MUC17: variants seen among roughly 807,000 people sequenced by gnomAD.
MUC17 encodes mucin-17.
In MUC17, 190 loss-of-function variants were observed where a neutral mutation model predicts 170.3. That is an observed-to-expected ratio of 1.12 (90% CI 0.99 to 1.26). The LOEUF is 1.26. MUC17 is among the 50% of genes most tolerant of loss of function. MUC17 has a pLI of 0.00. For synonymous variants in MUC17, 2,325 were observed against 2,002.5 expected (o/e 1.16, Z -4.30); for missense variants, 6,415 against 5,530.0 (o/e 1.16, Z -5.08).
At chr7:101,027,867 G>C (rs1794208453) in intron 1 of MUC17, among the ~76,000 whole-genome samples, 1 of 151,824 alleles carries the variant, frequency 6.6e-6, no homozygotes, top group Non-Finnish European at 1.5e-5. Context: ...CGCCTTTAGG[G>C]CTCAAGCAGT....
In MUC17 at chr7:101,037,030, A is replaced by G. The variant is rs1794508040; in HGVS notation, c.5614A>G (p.Ile1872Val). 1.3e-6 allele frequency: 2 copies of G among 1,583,502 alleles called. No individual in the cohort carries two copies. Among genetic ancestry groups the G allele is most frequent in the Middle Eastern group, 1.7e-4 (1 of 5,972 alleles). Residue 1872 changes from isoleucine to valine, a missense_variant, in exon 3 of 13, where the codon ATA (isoleucine) becomes GTA (valine). Ile to Val is a conservative substitution (Grantham distance 29). Coordinates refer to ENST00000306151, the MANE Select transcript of MUC17 (RefSeq NM_001040105.2). Reference protein sequence around the residue: ...PSEGSTALTSIPVSTTTVASS... With the variant: ...PSEGSTALTSVPVSTTTVASS... ...TGAAGGAAGCACTGCATTAACAAGT[A>G]TACCTGTCAGCACCACAACAGTGGC...
chr7:101,044,865 C>T (rs1395311850), intron 3 of MUC17, among the ~76,000 whole-genome samples: 1 of 152,172 alleles, frequency 6.6e-6, no homozygotes. Context: ...CCACCATTCA[C>T]TTTTATTTTG....
In MUC17 at chr7:101,038,610, AC is replaced by A. The variant is rs757712466; in HGVS notation, c.7195del (p.Leu2399Ter). 2 of 1,613,774 alleles carry A rather than the reference AC, an allele frequency of 1.2e-6. No individual in the cohort carries two copies. Among genetic ancestry groups the A allele is most frequent in the African/African-American group, 1.3e-5 (1 of 74,828 alleles). On this transcript the variant is annotated frameshift_variant, in exon 3 of 13. Transcript: ENST00000306151. LOFTEE classifies it high-confidence loss of function. Reference sequence around the variant, plus strand: ...CAACTTATAGTGAAGGAAGCACTCCACTAACAAGTGTGCCTGTCAGCACCAT... The same window carrying A: ...CAACTTATAGTGAAGGAAGCACTCCATAACAAGTGTGCCTGTCAGCACCAT... Reference protein sequence around the residue: ...TSTYSEGSTPLTSVPVSTMPV... With the variant: ...TSTYSEGSTPXTSVPVSTMPV...
At chr7:101,052,906 C>A in intron 9 of MUC17, 80 bp from the exon 10 acceptor site, 2 of 1,505,534 alleles carry the variant, frequency 1.3e-6, no homozygotes, top group Non-Finnish European at 1.8e-6. Flanking sequence ...TCATTAAACA[C>A]CCACTGGGCA....
At position 101,042,416 on chromosome 7, in the gene MUC17, T is replaced by G. The variant is rs147925756; in HGVS notation, c.11000T>G (p.Ile3667Ser). 1 of 1,612,804 alleles carries G rather than the reference T, an allele frequency of 6.2e-7. No homozygotes were observed. The highest frequency in any genetic ancestry group is 1.3e-5 in the African/African-American group (1 of 74,500). ...TLPVDTSTPV[I>S]TSTQVSSSPV... ...CCTGTTGACACCAGCACACCTGTGA[T>G]CACTTCTACCCAAGTCAGTTCATCT... Residue 3667 changes from isoleucine to serine, a missense_variant, in exon 3 of 13, where the codon ATC (isoleucine) becomes AGC (serine). Physicochemically the swap from Ile to Ser is moderately radical, Grantham distance 142. Coordinates refer to ENST00000306151, the MANE Select transcript of MUC17 (RefSeq NM_001040105.2).
At chr7:101,028,249 C>T (rs1794216168) in intron 1 of MUC17, among the ~76,000 whole-genome samples, 1 of 151,722 alleles carries the variant, frequency 6.6e-6, no homozygotes, top group Non-Finnish European at 1.5e-5. Context: ...TGCCATCACA[C>T]CCAGCTAATT....
chr7:101,049,464 C>T, intron 6 of MUC17, 82 bp downstream of exon 6: 4 of 1,517,034 alleles, frequency 2.6e-6, no homozygotes, highest in Non-Finnish European at 2.7e-6. Flanking sequence ...AACTGTGCCC[C>T]CTGCATTACT....
chr7:101,039,103 AG>A lies in MUC17; in HGVS notation c.7688del (p.Ser2563ThrfsTer14), dbSNP rs1202515101. 3 of 1,613,486 alleles carry A rather than the reference AG, an allele frequency of 1.9e-6. No individual in the cohort carries two copies. The highest frequency in any genetic ancestry group is 2.5e-6 in the Non-Finnish European group (3 of 1,179,920). On this transcript the variant is annotated frameshift_variant, in exon 3 of 13. Transcript: ENST00000306151. LOFTEE classifies it high-confidence loss of function. Reference sequence around the variant, plus strand: ...ATCTGCTACATCCGCTGAAGGTACCAGCATGCCTACCTCAACTTATAGTGAA... The same window carrying A: ...ATCTGCTACATCCGCTGAAGGTACCACATGCCTACCTCAACTTATAGTGAA... ...SSSATSAEGT[S>X]MPTSTYSEGS...
intron 1 of MUC17, among the ~76,000 whole-genome samples, chr7:101,026,402 C>A (rs1794179382): frequency 1.3e-5 from 2 of 152,176 alleles, no homozygotes; most frequent in South Asian, 4.1e-4. Flanking sequence ...GTCACTCCAT[C>A]CCTGGCACAC....
In MUC17 at chr7:101,048,094, G is replaced by T. The variant is rs780910961; in HGVS notation, c.12514G>T (p.Val4172Leu). 1.9e-6 allele frequency: 3 copies of T among 1,602,446 alleles called. No individual in the cohort carries two copies. The highest frequency in any genetic ancestry group is 2.3e-5 in the East Asian group (1 of 43,756). Residue 4172 changes from valine (V) to leucine (L), a missense_variant, in exon 4 of 13, where the codon GTG (valine) becomes TTG (leucine). Physicochemically the swap from Val to Leu is conservative, Grantham distance 32. Coordinates refer to ENST00000306151, the MANE Select transcript of MUC17 (RefSeq NM_001040105.2). ...CTATTATGGGGAGTTGTGTGAGGAG[G>T]TGGTCAGCAGCATTGACATAGGTGA... is the stretch of plus-strand genomic sequence containing the variant. ...NLYYGELCEE[V>L]VSSIDIGPPE...
At position 101,040,157 on chromosome 7, in the gene MUC17, A is replaced by G; in HGVS notation, c.8741A>G (p.Glu2914Gly). 6 of 1,613,028 alleles carry G rather than the reference A, an allele frequency of 3.7e-6. No homozygotes were observed. The highest frequency in any genetic ancestry group is 5.1e-6 in the Non-Finnish European group (6 of 1,179,502). ...TEGSSSPTTA[E>G]GTSMPISTPS... is the part of the protein sequence containing the mutation. ...GGCAGTTCTTCTCCTACAACTGCTG[A>G]AGGTACCAGCATGCCAATCTCAACT... Residue 2914 changes from glutamate to glycine, a missense_variant, in exon 3 of 13, where the codon GAA becomes GGA. Physicochemically the swap from Glu to Gly is moderately conservative, Grantham distance 98. Coordinates refer to ENST00000306151, the MANE Select transcript of MUC17 (RefSeq NM_001040105.2).
Position 101,042,223 on chromosome 7 carries a change from A to G in MUC17, c.10807A>G (p.Arg3603Gly). The G allele has an allele frequency of 6.2e-7, 1 of 1,614,230 alleles. No individual in the cohort carries two copies. The highest frequency in any genetic ancestry group is 8.5e-7 in the Non-Finnish European group (1 of 1,180,028). ...CACACCTTCCACTCCTTCTGTTGAC[A>G]GAAGCACACCTGTGACCACTTCTAC... The part of the protein sequence containing the change: ...ASTPSTPSVD[R>G]STPVTTSTQS... Residue 3603 changes from arginine to glycine, a missense_variant, in exon 3 of 13, where the codon AGA (arginine) becomes GGA (glycine). Coordinates refer to ENST00000306151, the MANE Select transcript of MUC17 (RefSeq NM_001040105.2).
chr7:101,048,026 A>G lies in MUC17; in HGVS notation c.12446A>G (p.Asn4149Ser). Residue 4149 changes from asparagine to serine, a missense_variant, in exon 4 of 13, where the codon AAT becomes AGT. Asn to Ser is a conservative substitution (Grantham distance 46). Coordinates refer to ENST00000306151, the MANE Select transcript of MUC17 (RefSeq NM_001040105.2). The part of the protein sequence containing the change: ...GCQNTASRCK[N>S]GGTWDGLKCQ... ...CAGAATACGGCCTCTCGCTGCAAGA[A>G]TGGAGGCACCTGGGATGGGCTCAAG... The G allele has an allele frequency of 6.2e-7, 1 of 1,607,548 alleles. No homozygotes were observed. Among genetic ancestry groups the G allele is most frequent in the Non-Finnish European group, 8.5e-7 (1 of 1,177,354 alleles).
At position 101,039,820 on chromosome 7, in the gene MUC17, A is replaced by C; in HGVS notation, c.8404A>C (p.Thr2802Pro). ...PTTAEVTSMP[T>P]STPSETSTPL... is the part of the protein sequence containing the mutation. Reference sequence around the variant, plus strand: ...AACTGCTGAAGTTACCAGCATGCCAACCTCAACTCCTAGTGAAACAAGTAC... The same window carrying C: ...AACTGCTGAAGTTACCAGCATGCCACCCTCAACTCCTAGTGAAACAAGTAC... Residue 2802 changes from threonine to proline, a missense_variant, in exon 3 of 13, where the codon ACC becomes CCC. By Grantham distance (38) the Thr-to-Pro change is conservative. Transcript: ENST00000306151. The C allele has an allele frequency of 6.2e-7, 1 of 1,609,206 alleles. No homozygotes were observed. The highest frequency in any genetic ancestry group is 1.1e-5 in the South Asian group (1 of 90,938).
rs1487424959 is a variant in MUC17 at position 101,033,746 on chromosome 7, A to G, written c.2330A>G (p.His777Arg). ...LSTTPLDTST[H>R]ITTSTEASCS... is the part of the protein sequence containing the mutation. ...ACAACTCCTCTTGACACAAGCACACATATCACCACTTCTACTGAAGCCAGT... is the reference window on the plus strand; with the variant it reads ...ACAACTCCTCTTGACACAAGCACACGTATCACCACTTCTACTGAAGCCAGT... Residue 777 changes from histidine (H) to arginine (R), a missense_variant, in exon 3 of 13, where the codon CAT (histidine) becomes CGT (arginine). Coordinates refer to ENST00000306151, the MANE Select transcript of MUC17 (RefSeq NM_001040105.2). 1 of 1,610,536 alleles carries G rather than the reference A, an allele frequency of 6.2e-7. No homozygotes were observed. Among genetic ancestry groups the G allele is most frequent in the Non-Finnish European group, 8.5e-7 (1 of 1,178,862 alleles).
At position 101,053,429 on chromosome 7, in the gene MUC17, CTGCCA is replaced by C. The variant is rs769312941; in HGVS notation, c.13357_13361del (p.Cys4453ArgfsTer2). ...CCTTCCAAAACATTGGCTTTGACAT[CTGCCA>C]AGGTATTGGCCTTCCTCTCTGAACT... On this transcript the variant is annotated frameshift_variant and splice_region_variant, in exon 11 of 13. Coordinates refer to ENST00000306151, the MANE Select transcript of MUC17 (RefSeq NM_001040105.2). LOFTEE classifies it high-confidence loss of function. 1 of 1,613,190 alleles carries C rather than the reference CTGCCA, an allele frequency of 6.2e-7. No individual in the cohort carries two copies. Among genetic ancestry groups the C allele is most frequent in the Non-Finnish European group, 8.5e-7 (1 of 1,179,620 alleles).
chr7:101,033,059 C>G lies in MUC17; in HGVS notation c.1643C>G (p.Ala548Gly), dbSNP rs773494910. The change falls in exon 3 of 13, where the codon GCC (alanine) becomes GGC (glycine). Residue 548 changes from alanine to glycine, a missense_variant. Physicochemically the swap from Ala to Gly is moderately conservative, Grantham distance 60 (BLOSUM62 0). Coordinates refer to ENST00000306151, the MANE Select transcript of MUC17 (RefSeq NM_001040105.2). ...ACACCTGTGACCACTTCTAGTGAAG[C>G]CAGTTCATCTTCTACAACTCCTGAA... ...TSTPVTTSSEASSSSTTPEGT... is the reference protein window; with the variant it reads ...TSTPVTTSSEGSSSSTTPEGT... The G allele has an allele frequency of 3.7e-6, 6 of 1,613,500 alleles. No individual in the cohort carries two copies. The highest frequency in any genetic ancestry group is 1.3e-5 in the African/African-American group (1 of 74,706).
At chr7:101,021,854 C>T (rs892416157) in intron 1 of MUC17, among the ~76,000 whole-genome samples, 5 of 152,182 alleles carry the variant, frequency 3.3e-5, no homozygotes, top group African/African-American at 1.2e-4. Flanking sequence ...CAGGGCAGGG[C>T]GTGGGTCTAG....
chr7:101,020,119 A>T lies in MUC17; in HGVS notation c.-17A>T. 1 of 1,580,108 alleles carries T rather than the reference A, an allele frequency of 6.3e-7. No individual in the cohort carries two copies. The highest frequency in any genetic ancestry group is 1.7e-4 in the Middle Eastern group (1 of 5,942). On this transcript the variant is annotated 5_prime_UTR_variant, in exon 1 of 13. Transcript: ENST00000306151. ...CCTCTGGGGGTGACAGGCAAGTGAG[A>T]CGTGCTCAGAGCTCCGATGCCAAGG...
Sources: gnomAD v4.1 joint callset for allele counts (sites outside exome capture counted in the v4.1 genomes callset) on GRCh38, gnomAD v4.1.1 for gene constraint, MANE v1.5 for transcripts, NCBI Gene and HGNC (gene_info 2026-07-23, HGNC 2026-07-21) for gene names.